The following DDX60L variants were observed in gnomAD, a reference collection of about 807,000 sequenced individuals.
The protein encoded by DDX60L is probable ATP-dependent RNA helicase DDX60-like.
Under a neutral mutation model 211.6 loss-of-function variants are expected in DDX60L, and 191 were observed. That is an observed-to-expected ratio of 0.90 (90% CI 0.80 to 1.02). DDX60L has a LOEUF of 1.02. DDX60L is among the 50% of genes least tolerant of loss of function. DDX60L has a pLI of 0.00. For synonymous variants in DDX60L, 706 were observed against 694.1 expected (o/e 1.02, Z -0.27); for missense variants, 2,007 against 1,984.1 (o/e 1.01, Z -0.22).
At chr4:168,423,935 GATTAA>G (rs919586350) in intron 14 of DDX60L, among the ~76,000 whole-genome samples, 161 bp from the exon 15 acceptor site, 6 of 145,028 alleles carry the variant, frequency 4.1e-5, no homozygotes, top group Admixed American at 6.8e-5. Context: ...TAAAACTCAT[GATTAA>G]ATTAAATTAA....
chr4:168,365,370 A>C (rs1739795031), intron 36 of DDX60L, among the ~76,000 whole-genome samples: 1 of 152,110 alleles, frequency 6.6e-6, no homozygotes, highest in African/African-American at 2.4e-5. Flanking sequence ...ACAAAAAATA[A>C]TAAGATACTA....
At chr4:168,437,207 A>G (rs2465254) in intron 10 of DDX60L, among the ~76,000 whole-genome samples, 1 of 152,080 alleles carries the variant, frequency 6.6e-6, no homozygotes, top group Non-Finnish European at 1.5e-5. Context: ...TTATTTTGAA[A>G]TAGGGTCTTT....
rs754378970 is a variant in DDX60L, at chr4:168,379,846, A to G, written c.4117-16T>C. The G allele has an allele frequency of 6.4e-7, 1 of 1,555,098 alleles. No homozygotes were observed. The highest frequency in any genetic ancestry group is 1.1e-5 in the South Asian group (1 of 87,768). On this transcript the variant is annotated splice_polypyrimidine_tract_variant and intron_variant, in intron 30 of 37. Coordinates refer to ENST00000682922, the MANE Select transcript of DDX60L (RefSeq NM_001012967.3). ...CTGACAACACCTATAAAAGAAGAGT[A>G]CTTTAATTTATCTAGTTTTAAACAG...
rs10598232 is a variant in DDX60L at position 168,420,463 on chromosome 4, T to TAC, written c.2395-85_2395-84dup. 781 of 459,188 alleles carry TAC rather than the reference T, an allele frequency of 1.7e-3. 3 individuals are homozygous for TAC. Among genetic ancestry groups the TAC allele is most frequent in the African/African-American group, 9.3e-3 (385 of 41,566 alleles). The allele number at this position is 459,188 out of a possible 1,614,324, so 28.4% of individuals were successfully genotyped here. A position where few individuals can be genotyped will look rare whatever the true frequency, so the allele number is the denominator to read the frequency against. On this transcript the variant is annotated intron_variant, in intron 17 of 37. Transcript: ENST00000682922. ...TTGAGGACAACCGAATCCATACACA[T>TAC]ACACACACACACACACACACACACA...
At chr4:168,433,885 C>A (rs1752691206) in intron 10 of DDX60L, among the ~76,000 whole-genome samples, 1 of 152,110 alleles carries the variant, frequency 6.6e-6, no homozygotes, top group Non-Finnish European at 1.5e-5. Flanking sequence ...TATATTATCT[C>A]CTCATTCATA....
At chr4:168,415,597 T>G in intron 21 of DDX60L, 60 bp downstream of exon 21, 1 of 1,431,980 alleles carries the variant, frequency 7.0e-7, no homozygotes. Flanking sequence ...AAAATCCCTA[T>G]AAAAAGCTTT....
intron 4 of DDX60L, among the ~76,000 whole-genome samples, chr4:168,462,445 T>A (rs1757433937): frequency 6.6e-6 from 1 of 151,974 alleles, no homozygotes; most frequent in Non-Finnish European, 1.5e-5. Context: ...TCAAAATTTC[T>A]ATTTTTCAAA....
In DDX60L at chr4:168,371,758, G is replaced by A; in HGVS notation, c.4782C>T (p.Ile1594=). 1 of 1,599,118 alleles carries A rather than the reference G, an allele frequency of 6.3e-7. No homozygotes were observed. The highest frequency in any genetic ancestry group is 8.6e-7 in the Non-Finnish European group (1 of 1,169,576). ...TGCCACTAACACCGACTGTGCGCAG[G>A]ATGACCTGAAGAAAGACATTTTCTA... ...LLRPETINQV[I]LRTVGVSGTQ... Residue 1594 remains isoleucine (I), a synonymous_variant, in exon 36 of 38, where the codon ATC becomes ATT. Coordinates refer to ENST00000682922, the MANE Select transcript of DDX60L (RefSeq NM_001012967.3).
chr4:168,406,629 T>C lies in DDX60L; in HGVS notation c.3057A>G (p.Gln1019=). ...ESIQLYDTMA[Q]VWETWPRAQE... ...GAGCCCTGGGCCAAGTTTCCCAGAC[T>C]TGAGCCATGGTATCATAAAGCTGGA... The change falls in exon 23 of 38, where the codon CAA becomes CAG. Residue 1019 remains glutamine, a synonymous_variant. Transcript: ENST00000682922. 4 of 1,603,232 alleles carry C rather than the reference T, an allele frequency of 2.5e-6. No homozygotes were observed. The highest frequency in any genetic ancestry group is 3.4e-6 in the Non-Finnish European group (4 of 1,174,296).
chr4:168,406,759 T>C (rs1298628413), intron 22 of DDX60L, 53 bp from the exon 23 acceptor site: 28 of 1,250,610 alleles, frequency 2.2e-5, no homozygotes, highest in South Asian at 2.0e-4. Flanking sequence ...ACAATGTTTA[T>C]ATTTCTTTTA....
intron 5 of DDX60L, among the ~76,000 whole-genome samples, chr4:168,459,520 G>C (rs1757018833): frequency 6.6e-6 from 1 of 152,062 alleles, no homozygotes; most frequent in Non-Finnish European, 1.5e-5. Flanking sequence ...AGGAGGCCAA[G>C]GTGGGTGGAT....
At chr4:168,359,763 A>G (rs977158798) in intron 37 of DDX60L, among the ~76,000 whole-genome samples, 5 of 152,148 alleles carry the variant, frequency 3.3e-5, no homozygotes, top group Admixed American at 3.3e-4. Context: ...GACCCTTCGC[A>G]TATACAACCA....
Position 168,415,666 on chromosome 4 carries a change from C to A in DDX60L, c.2860G>T (p.Val954Phe). The A allele has an allele frequency of 6.3e-7, 1 of 1,586,186 alleles. No homozygotes were observed. The highest frequency in any genetic ancestry group is 8.6e-7 in the Non-Finnish European group (1 of 1,166,000). The change falls in exon 21 of 38, where the codon GTT (valine) becomes TTT (phenylalanine). Residue 954 changes from valine to phenylalanine, a missense_variant. Physicochemically the swap from Val to Phe is conservative, Grantham distance 50. Coordinates refer to ENST00000682922, the MANE Select transcript of DDX60L (RefSeq NM_001012967.3). ...AAAAAAATAAGCTTACCAAGTCTAA[C>A]TTCATATGATTGATTTTTATATGAA... is the stretch of plus-strand genomic sequence containing the variant. The part of the protein sequence containing the change: ...DHSYKNQSYE[V>F]RLVLCGERYN...
At chr4:168,406,424 G>A (rs886597787) in intron 23 of DDX60L, among the ~76,000 whole-genome samples, 178 bp downstream of exon 23, 17 of 152,032 alleles carry the variant, frequency 1.1e-4, no homozygotes, top group Non-Finnish European at 1.9e-4. Flanking sequence ...TCCATGCTAC[G>A]TACAATAATA....
chr4:168,472,438 T>G lies in DDX60L; in HGVS notation c.74+17A>C. 1 of 1,533,280 alleles carries G rather than the reference T, an allele frequency of 6.5e-7. No homozygotes were observed. Among genetic ancestry groups the G allele is most frequent in the Non-Finnish European group, 8.9e-7 (1 of 1,129,520 alleles). The allele number at this position is 1,533,280 out of a possible 1,614,324, so 95.0% of individuals were successfully genotyped here. A position where few individuals can be genotyped will look rare whatever the true frequency, so the allele number is the denominator to read the frequency against. On this transcript the variant is annotated intron_variant, in intron 3 of 37. Coordinates refer to ENST00000682922, the MANE Select transcript of DDX60L (RefSeq NM_001012967.3). ...TACAATAGTATAGCTCCTTCTTTTT[T>G]ACTTCACAGTACTTACCCAGCTTTT...
chr4:168,430,186 C>A (rs975609780), intron 13 of DDX60L, among the ~76,000 whole-genome samples: 2 of 151,944 alleles, frequency 1.3e-5, no homozygotes, highest in Admixed American at 1.3e-4. Context: ...GCAACAAGAG[C>A]GAAACTCCAT....
In DDX60L at chr4:168,449,814, A is replaced by T. The variant is rs77827205; in HGVS notation, c.997-1035T>A. ...AACATGTGGGTAAAAATAAAAAAAA[A>T]AAAAAAAAAGAGGTTATAAAACCCA... On this transcript the variant is annotated intron_variant, in intron 8 of 37. Transcript: ENST00000682922. Among the ~76,000 whole-genome samples, 119 of 147,770 alleles carry T rather than the reference A, an allele frequency of 8.1e-4. 1 individual carries two copies. The highest frequency in any genetic ancestry group is 2.5e-3 in the African/African-American group (102 of 40,136).
chr4:168,468,103 G>T (rs1294361204), intron 4 of DDX60L, among the ~76,000 whole-genome samples: 2 of 152,082 alleles, frequency 1.3e-5, no homozygotes, highest in Non-Finnish European at 2.9e-5. Context: ...GGAGGCAAAG[G>T]TTGCAGTGAG....
chr4:168,384,548 G>A, intron 30 of DDX60L, 64 bp downstream of exon 30: 2 of 1,587,970 alleles, frequency 1.3e-6, no homozygotes, highest in South Asian at 1.1e-5. Context: ...TAAAAGAGCA[G>A]CAGACCTGAC....
Sources: gnomAD v4.1 joint callset for allele counts (sites outside exome capture counted in the v4.1 genomes callset) on GRCh38, gnomAD v4.1.1 for gene constraint, MANE v1.5 for transcripts, NCBI Gene and HGNC (gene_info 2026-07-23, HGNC 2026-07-21) for gene names.